Variants in RPTOR observed in about 807,000 individuals in gnomAD.
RPTOR encodes regulatory-associated protein of mTOR.
A neutral mutation model predicts 169.9 loss-of-function variants in RPTOR; 21 were observed. The observed-to-expected ratio is 0.12, with a 90% CI of 0.09 to 0.18. The LOEUF (loss-of-function observed/expected upper bound fraction) is 0.18, where lower values mean the gene tolerates loss of function less well. Among genes scored for constraint, RPTOR ranks in the 10% least tolerant of loss-of-function variants. RPTOR has a pLI of 1.00. For missense variants in RPTOR, 1,133 were observed against 1,855.9 expected, an observed-to-expected ratio of 0.61 and a Z score of 7.16; for synonymous variants, 732 against 753.2, an observed-to-expected ratio of 0.97 and a Z score of 0.46.
At chr17:80,612,232 T>G (rs1370742093) in intron 1 of RPTOR, among the ~76,000 whole-genome samples, 1 of 152,144 alleles carries the variant, frequency 6.6e-6, no homozygotes, top group Non-Finnish European at 1.5e-5. Flanking sequence ...TGGGCTCGAG[T>G]GATCTTCACA....
At chr17:80,791,138 G>C (rs144506894) in intron 6 of RPTOR, among the ~76,000 whole-genome samples, 1 of 151,514 alleles carries the variant, frequency 6.6e-6, no homozygotes, top group Non-Finnish European at 1.5e-5. Flanking sequence ...CCAGCATCTC[G>C]TTTGGAGACT....
chr17:80,786,457 A>G (rs983204505), intron 6 of RPTOR, among the ~76,000 whole-genome samples: 10 of 152,242 alleles, frequency 6.6e-5, no homozygotes, highest in African/African-American at 1.2e-4. Context: ...CTTCATTGTT[A>G]AAAGAAAACT....
chr17:80,576,924 G>A (rs1482357898), intron 1 of RPTOR, among the ~76,000 whole-genome samples: 3 of 152,006 alleles, frequency 2.0e-5, no homozygotes, highest in African/African-American at 2.4e-5. Context: ...GGCTTGTCTC[G>A]AACTCATGGG....
intron 33 of RPTOR, among the ~76,000 whole-genome samples, chr17:80,963,317 C>G (rs2069372008): frequency 6.6e-6 from 1 of 152,080 alleles, no homozygotes; most frequent in Non-Finnish European, 1.5e-5. Context: ...CTCCTGCCCT[C>G]AGACCCTGCA....
chr17:80,758,711 C>T (rs1388514646), intron 6 of RPTOR, among the ~76,000 whole-genome samples: 1 of 152,090 alleles, frequency 6.6e-6, no homozygotes, highest in Admixed American at 6.5e-5. Context: ...TCCTGCATGA[C>T]TGCTTTGGTG....
At chr17:80,892,232 G>A (rs2068334282) in intron 18 of RPTOR, among the ~76,000 whole-genome samples, 1 of 152,068 alleles carries the variant, frequency 6.6e-6, no homozygotes, top group Admixed American at 6.5e-5. Flanking sequence ...GTGTCGTTTT[G>A]ACTGGAGAGT....
chr17:80,880,539 C>T, intron 14 of RPTOR, 50 bp downstream of exon 14: 1 of 1,555,008 alleles, frequency 6.4e-7, no homozygotes, highest in Non-Finnish European at 8.9e-7. Flanking sequence ...CAGCACTCGC[C>T]TCTGCCCACA....
chr17:80,845,341 G>C lies in RPTOR; in HGVS notation c.1213-1132G>C, dbSNP rs917566348. Among the ~76,000 whole-genome samples, 1 of 151,732 alleles carries C rather than the reference G, an allele frequency of 6.6e-6. No homozygotes were observed. Among genetic ancestry groups the C allele is most frequent in the Non-Finnish European group, 1.5e-5 (1 of 67,888 alleles). On this transcript the variant is annotated intron_variant, in intron 10 of 33. Transcript: ENST00000306801. This position sits in a 1 kb window ranked among gnomAD's most constrained non-coding sequence, Gnocchi z 5.4. ...ATTCTGACCCCAAGCATTTTTTTTG[G>C]TCTCCCTCACCCGCGCGCCTTCTCT...
At position 80,646,321 on chromosome 17, in the gene RPTOR, A is replaced by C. The variant is rs1045850557; in HGVS notation, c.348+2511A>C. On this transcript the variant is annotated intron_variant, in intron 3 of 33. Transcript: ENST00000306801. The surrounding 1 kb of genome is among the most constrained non-coding windows in gnomAD (Gnocchi z 5.0). The stretch of plus-strand genomic sequence containing the variant: ...ATTAGCCTAAGGTAACGGATGTCAC[A>C]GGATACCTCTGACCGGCTCCCAGGT... Among the ~76,000 whole-genome samples the C allele has an allele frequency of 4.6e-5, 7 of 152,350 alleles. No homozygotes were observed. Among genetic ancestry groups the C allele is most frequent in the African/African-American group, 1.7e-4 (7 of 41,576 alleles).
chr17:80,651,269 A>G lies in RPTOR; in HGVS notation c.348+7459A>G, dbSNP rs556490881. ...GCTAAATTTGGAGGTGACGATGAGG[A>G]ACCCACCGTATGCTCGCCATATGCA... On this transcript the variant is annotated intron_variant, in intron 3 of 33. Coordinates refer to ENST00000306801, the MANE Select transcript of RPTOR (RefSeq NM_020761.3). The surrounding 1 kb of genome is among the most constrained non-coding windows in gnomAD (Gnocchi z 4.1). 6.6e-6 allele frequency among the ~76,000 whole-genome samples: 1 copy of G among 152,198 alleles called. No homozygotes were observed. The highest frequency in any genetic ancestry group is 6.5e-5 in the Admixed American group (1 of 15,278).
chr17:80,924,580 A>G (rs1398722913), intron 23 of RPTOR, among the ~76,000 whole-genome samples: 3 of 151,838 alleles, frequency 2.0e-5, no homozygotes, highest in African/African-American at 7.3e-5. Context: ...GAGAATCACC[A>G]CCGAGCCCCA....
chr17:80,576,569 C>T (rs1399268551), intron 1 of RPTOR, among the ~76,000 whole-genome samples: 1 of 152,226 alleles, frequency 6.6e-6, no homozygotes, highest in Non-Finnish European at 1.5e-5. Flanking sequence ...TGACTCTTCG[C>T]TCTCCTTTCC....
In RPTOR at chr17:80,730,905, G is replaced by A. The variant is rs537204427; in HGVS notation, c.654+199G>A. Among the ~76,000 whole-genome samples the A allele has an allele frequency of 5.3e-5, 8 of 152,228 alleles. No individual in the cohort carries two copies. The highest frequency in any genetic ancestry group is 1.9e-4 in the African/African-American group (8 of 41,520). On this transcript the variant is annotated intron_variant, in intron 5 of 33. Coordinates refer to ENST00000306801, the MANE Select transcript of RPTOR (RefSeq NM_020761.3). The surrounding 1 kb of genome is among the most constrained non-coding windows in gnomAD (Gnocchi z 4.2). ...CACTTTATTTTTGAAACATAATCTT[G>A]TTCTGTTGCCCAGGCTGGAGTGCTG...
intron 21 of RPTOR, among the ~76,000 whole-genome samples, chr17:80,914,017 T>C (rs1431841913): frequency 6.6e-6 from 1 of 152,244 alleles, no homozygotes. Flanking sequence ...CTCTTGATAC[T>C]GTGAAGAGTG....
intron 25 of RPTOR, among the ~76,000 whole-genome samples, chr17:80,944,334 G>T (rs1260397655): frequency 6.6e-6 from 1 of 152,234 alleles, no homozygotes; most frequent in African/African-American, 2.4e-5. Flanking sequence ...ACGAATCAGA[G>T]CCCTACCGAG....
chr17:80,894,741 C>T (rs2068376692), intron 20 of RPTOR, among the ~76,000 whole-genome samples: 1 of 152,062 alleles, frequency 6.6e-6, no homozygotes, highest in Admixed American at 6.5e-5. Context: ...TAAAAATTTA[C>T]AGAGACTTAT....
intron 6 of RPTOR, among the ~76,000 whole-genome samples, chr17:80,767,188 CAT>C (rs2066796158): frequency 6.6e-6 from 1 of 152,146 alleles, no homozygotes; most frequent in Non-Finnish European, 1.5e-5. Context: ...GCCTGGGCAA[CAT>C]AGCAAAACCC....
At chr17:80,905,414 T>A (rs560897185) in intron 20 of RPTOR, among the ~76,000 whole-genome samples, 9 of 143,090 alleles carry the variant, frequency 6.3e-5, no homozygotes, top group African/African-American at 2.3e-4. Context: ...GTGAAACCCG[T>A]CTCTACTAAA....
rs1024807422 is a variant in RPTOR, at chr17:80,845,775, C to G, written c.1213-698C>G. ...AACCAAAACCAAATTCACCCTGTCT[C>G]GAAACCCCTCTGGCTGCGCTTTTGC... On this transcript the variant is annotated intron_variant, in intron 10 of 33. Coordinates refer to ENST00000306801, the MANE Select transcript of RPTOR (RefSeq NM_020761.3). This position sits in a 1 kb window ranked among gnomAD's most constrained non-coding sequence, Gnocchi z 5.4. Among the ~76,000 whole-genome samples the G allele has an allele frequency of 2.0e-5, 3 of 152,234 alleles. No individual in the cohort carries two copies. Among genetic ancestry groups the G allele is most frequent in the Non-Finnish European group, 4.4e-5 (3 of 68,046 alleles).
Sources: gnomAD v4.1 joint callset for allele counts (sites outside exome capture counted in the v4.1 genomes callset) on GRCh38, gnomAD v4.1.1 for gene constraint, Gnocchi (gnomAD v3.1) non-coding constraint, MANE v1.5 for transcripts, NCBI Gene and HGNC (gene_info 2026-07-23, HGNC 2026-07-21) for gene names.